The following LOC122539214 variants were observed in gnomAD, a reference collection of about 807,000 sequenced individuals.
At chr19:52,651,700 A>AAG in the LOC122539214 span, 3 of 128,988 alleles carry the variant, frequency 2.3e-5, no homozygotes, top group Admixed American at 8.8e-5. Flanking sequence ...AAAAAAAAAA[A>AAG]AAAGAAAGAA....
At chr19:52,666,440 G>A in the LOC122539214 span, among the ~76,000 whole-genome samples, 1 of 151,998 alleles carries the variant, frequency 6.6e-6, no homozygotes, top group Non-Finnish European at 1.5e-5. Context: ...TGAAAGCACT[G>A]AGGCCACTGA....
chr19:52,689,967 G>A, the LOC122539214 span, among the ~76,000 whole-genome samples: 2 of 152,208 alleles, frequency 1.3e-5, no homozygotes, highest in Non-Finnish European at 2.9e-5. Flanking sequence ...CCGGCACGAG[G>A]AGGGAGGTGG....
At chr19:52,678,458 AAAAAAAG>A in the LOC122539214 span, among the ~76,000 whole-genome samples, 8 of 151,334 alleles carry the variant, frequency 5.3e-5, no homozygotes, top group Admixed American at 4.0e-4. Flanking sequence ...TCAAAAAAAA[AAAAAAAG>A]AAAAAAGAAA....
the LOC122539214 span, chr19:52,652,866 G>T: frequency 9.9e-7 from 1 of 1,007,450 alleles, no homozygotes; most frequent in Non-Finnish European, 1.6e-6. Context: ...ACATATGACT[G>T]AAGGTCTTGC....
chr19:52,670,902 G>A, the LOC122539214 span, among the ~76,000 whole-genome samples: 1 of 152,208 alleles, frequency 6.6e-6, no homozygotes, highest in Admixed American at 6.5e-5. Flanking sequence ...TTCAGGTTAA[G>A]ATAAAAGATG....
At chr19:52,668,468 G>A in the LOC122539214 span, among the ~76,000 whole-genome samples, 1 of 152,208 alleles carries the variant, frequency 6.6e-6, no homozygotes, top group South Asian at 2.1e-4. Flanking sequence ...CAACTTTAGA[G>A]CATTTCTATG....
the LOC122539214 span, among the ~76,000 whole-genome samples, chr19:52,687,362 TTATAATATAAATTATAATTTATATATA>T: frequency 9.4e-3 from 696 of 73,762 alleles, 103 homozygotes; most frequent in African/African-American, 0.063. Context: ...GCTATATAAA[TTATAATATAAATTATAATTTATATATA>T]TATAATTTAT....
At chr19:52,685,381 C>G in the LOC122539214 span, among the ~76,000 whole-genome samples, 1 of 151,912 alleles carries the variant, frequency 6.6e-6, no homozygotes. Context: ...TTTATCACCC[C>G]TATCCTTGAA....
At chr19:52,682,272 C>G in the LOC122539214 span, among the ~76,000 whole-genome samples, 8 of 152,284 alleles carry the variant, frequency 5.3e-5, 1 homozygote, top group South Asian at 1.7e-3. Flanking sequence ...ACTTATCCAT[C>G]CATGTATTCT....
At chr19:52,674,674 GA>G in the LOC122539214 span, among the ~76,000 whole-genome samples, 34 of 151,366 alleles carry the variant, frequency 2.2e-4, no homozygotes, top group African/African-American at 8.4e-4. Context: ...ATTTTCTAGA[GA>G]ATTTAAACTA....
chr19:52,671,087 C>T, the LOC122539214 span, among the ~76,000 whole-genome samples: 2 of 152,150 alleles, frequency 1.3e-5, no homozygotes, highest in African/African-American at 4.8e-5. Flanking sequence ...TTTGCAGACG[C>T]ACATGAACCC....
the LOC122539214 span, chr19:52,653,154 T>C: frequency 6.8e-7 from 1 of 1,477,832 alleles, no homozygotes; most frequent in Non-Finnish European, 9.4e-7. Context: ...TGTAAGGTTT[T>C]TCTCCGGTAT....
chr19:52,669,157 T>C, the LOC122539214 span, among the ~76,000 whole-genome samples: 9 of 152,246 alleles, frequency 5.9e-5, no homozygotes, highest in African/African-American at 2.2e-4. Context: ...GTGGCACTTA[T>C]GCTTTAGTCC....
the LOC122539214 span, among the ~76,000 whole-genome samples, chr19:52,688,460 C>T: frequency 6.6e-6 from 1 of 151,978 alleles, no homozygotes; most frequent in Non-Finnish European, 1.5e-5. Context: ...AGGCATGAAC[C>T]ACTGTACCCA....
chr19:52,687,389 ATATAATTT>A, the LOC122539214 span, among the ~76,000 whole-genome samples: 27 of 44,366 alleles, frequency 6.1e-4, 8 homozygotes, highest in African/African-American at 7.0e-3. Context: ...ATTTATATAT[ATATAATTT>A]ATATAGCTAT....
At chr19:52,678,280 G>A in the LOC122539214 span, among the ~76,000 whole-genome samples, 1 of 150,776 alleles carries the variant, frequency 6.6e-6, no homozygotes, top group African/African-American at 2.4e-5. Context: ...GTGAAACCCC[G>A]TCTTACTAAA....
At chr19:52,665,108 T>C in the LOC122539214 span, among the ~76,000 whole-genome samples, 4 of 152,212 alleles carry the variant, frequency 2.6e-5, no homozygotes, top group Non-Finnish European at 5.9e-5. Flanking sequence ...ACAGAACCAA[T>C]TAGAAATCCT....
the LOC122539214 span, chr19:52,652,498 C>A: frequency 6.7e-6 from 3 of 446,786 alleles, no homozygotes; most frequent in Non-Finnish European, 1.4e-5. Flanking sequence ...CATATGAATT[C>A]TCCTGTGTTT....
the LOC122539214 span, among the ~76,000 whole-genome samples, chr19:52,679,761 C>T: frequency 2.4e-3 from 362 of 152,282 alleles, 3 homozygotes; most frequent in African/African-American, 8.2e-3. Flanking sequence ...TCAATCATAA[C>T]AGTCAAAGTG....
Sources: gnomAD v4.1 joint callset for allele counts (sites outside exome capture counted in the v4.1 genomes callset) on GRCh38, gnomAD v4.1.1 for gene constraint, MANE v1.5 for transcripts.